The following WSCD2 variants were observed in gnomAD, a reference collection of about 807,000 sequenced individuals.
The protein encoded by WSCD2 is sialate:O-sulfotransferase 2.
A neutral mutation model predicts 55.7 loss-of-function variants in WSCD2; 28 were observed. The ratio of observed to expected loss-of-function variants is 0.50; its 90% CI spans 0.37 to 0.69. The LOEUF is 0.69. Among genes scored for constraint, WSCD2 ranks in the 30% least tolerant of loss-of-function variants. The pLI, the probability that WSCD2 is intolerant of heterozygous loss-of-function variation, is 0.00. For missense variants in WSCD2, 616 were observed against 762.1 expected (o/e 0.81, Z 2.26); for synonymous variants, 301 against 301.9 (o/e 1.00, Z 0.03).
In WSCD2 at chr12:108,248,017, G is replaced by A. The variant is rs1180387138; in HGVS notation, c.1372G>A (p.Ala458Thr). The change falls in exon 9 of 9, where the codon GCC becomes ACC. Residue 458 changes from alanine (A) to threonine (T), a missense_variant. Ala to Thr is a moderately conservative substitution (Grantham distance 58, BLOSUM62 0). Transcript: ENST00000547525. The surrounding 1 kb of genome is among the most constrained non-coding windows in gnomAD (Gnocchi z 4.3). ...KEWPEFVRNY[A>T]PWWATHTLDW... is the part of the protein sequence containing the mutation. ...GTGGCCAGAGTTCGTGAGGAACTAT[G>A]CCCCGTGGTGGGCCACTCACACACT... is the stretch of plus-strand genomic sequence containing the variant. 8 of 1,613,858 alleles carry A rather than the reference G, an allele frequency of 5.0e-6. No individual in the cohort carries two copies. Among genetic ancestry groups the A allele is most frequent in the Non-Finnish European group, 6.8e-6 (8 of 1,179,860 alleles).
At chr12:108,193,021 G>A (rs1045021732) in intron 1 of WSCD2, among the ~76,000 whole-genome samples, 1 of 152,046 alleles carries the variant, frequency 6.6e-6, no homozygotes, top group African/African-American at 2.4e-5. Context: ...TAGGAATATA[G>A]GCTTTGAAAT....
intron 1 of WSCD2, among the ~76,000 whole-genome samples, chr12:108,143,287 C>T (rs1026483536): frequency 1.3e-5 from 2 of 152,208 alleles, no homozygotes; most frequent in South Asian, 4.1e-4. Context: ...CCTCCTGGCA[C>T]CTGTCACAGT....
At chr12:108,187,191 A>C (rs1882612440) in intron 1 of WSCD2, among the ~76,000 whole-genome samples, 1 of 152,186 alleles carries the variant, frequency 6.6e-6, no homozygotes, top group African/African-American at 2.4e-5. Flanking sequence ...GGGAAGGGTA[A>C]TATGCTGCAA....
chr12:108,221,393 A>G (rs561249514), intron 4 of WSCD2, among the ~76,000 whole-genome samples: 24 of 152,242 alleles, frequency 1.6e-4, no homozygotes, highest in African/African-American at 5.5e-4. Context: ...CATCTCTACT[A>G]AAAATACAAA....
chr12:108,176,851 T>G (rs1186636256), intron 1 of WSCD2, among the ~76,000 whole-genome samples: 1 of 152,118 alleles, frequency 6.6e-6, no homozygotes, highest in Non-Finnish European at 1.5e-5. Context: ...ACAATGTGTG[T>G]GTACTGGAAT....
intron 7 of WSCD2, among the ~76,000 whole-genome samples, chr12:108,236,761 C>A (rs1265758414): frequency 6.6e-6 from 1 of 152,096 alleles, no homozygotes; most frequent in Non-Finnish European, 1.5e-5. Flanking sequence ...TCTCCCCCAA[C>A]TCCTGCCTTC....
At chr12:108,227,702 G>T (rs944732281) in intron 6 of WSCD2, among the ~76,000 whole-genome samples, 2 of 151,834 alleles carry the variant, frequency 1.3e-5, no homozygotes, top group African/African-American at 4.8e-5. Flanking sequence ...GTCTCCTGGG[G>T]CTACCAGACA....
At chr12:108,133,126 A>T (rs1487818813) in intron 1 of WSCD2, among the ~76,000 whole-genome samples, 3 of 152,106 alleles carry the variant, frequency 2.0e-5, no homozygotes, top group Non-Finnish European at 4.4e-5. Context: ...CTCTCGACAT[A>T]TACACAGGTG....
chr12:108,218,381 C>G (rs929811663), intron 4 of WSCD2, among the ~76,000 whole-genome samples: 1 of 152,170 alleles, frequency 6.6e-6, no homozygotes, highest in African/African-American at 2.4e-5. Context: ...TCATCCTGAG[C>G]CTGTCAGTCC....
chr12:108,135,186 A>G (rs1267101892), intron 1 of WSCD2, among the ~76,000 whole-genome samples: 2 of 152,158 alleles, frequency 1.3e-5, no homozygotes, highest in Non-Finnish European at 2.9e-5. Context: ...GCATCCATTC[A>G]AGTATTCATT....
At chr12:108,135,181 C>T (rs1467426741) in intron 1 of WSCD2, among the ~76,000 whole-genome samples, 1 of 152,182 alleles carries the variant, frequency 6.6e-6, no homozygotes, top group African/African-American at 2.4e-5. Flanking sequence ...TCCATGCATC[C>T]ATTCAAGTAT....
At chr12:108,131,415 G>T (rs942750292) in intron 1 of WSCD2, among the ~76,000 whole-genome samples, 3 of 152,194 alleles carry the variant, frequency 2.0e-5, no homozygotes, top group Non-Finnish European at 4.4e-5. Context: ...AAGAGACCTA[G>T]GTCTCAGATC....
At chr12:108,178,600 T>C (rs2136991598) in intron 1 of WSCD2, among the ~76,000 whole-genome samples, 1 of 152,348 alleles carries the variant, frequency 6.6e-6, no homozygotes. Context: ...TATCCGCTTA[T>C]TTTTACATGT....
chr12:108,226,840 G>A (rs932582250), intron 5 of WSCD2, 150 bp from the exon 6 acceptor site: 21 of 882,028 alleles, frequency 2.4e-5, no homozygotes, highest in African/African-American at 2.2e-4. Flanking sequence ...CAAAAGCAGG[G>A]TTTGTGGATG....
intron 1 of WSCD2, 31 bp from the exon 2 acceptor site, chr12:108,195,251 T>C (rs1883767802): frequency 1.3e-5 from 2 of 152,862 alleles, no homozygotes; most frequent in Admixed American, 6.5e-5. Flanking sequence ...GTGAAGGGGC[T>C]TCTCATGCCT....
At chr12:108,240,266 G>A (rs1297270004) in intron 7 of WSCD2, 78 bp from the exon 8 acceptor site, 5 of 1,560,072 alleles carry the variant, frequency 3.2e-6, no homozygotes, top group Non-Finnish European at 3.5e-6. Context: ...GATTCCCGAG[G>A]TGGCCCAGAA....
chr12:108,238,647 G>A (rs1172168410), intron 7 of WSCD2, among the ~76,000 whole-genome samples: 1 of 152,202 alleles, frequency 6.6e-6, no homozygotes, highest in African/African-American at 2.4e-5. Flanking sequence ...GAAAGTGCAT[G>A]GACCCATTTT....
At chr12:108,211,414 T>C (rs1379130868) in intron 4 of WSCD2, among the ~76,000 whole-genome samples, 2 of 152,148 alleles carry the variant, frequency 1.3e-5, no homozygotes, top group African/African-American at 2.4e-5. Flanking sequence ...GCTGCATTTC[T>C]AAAGAGCTCC....
intron 1 of WSCD2, among the ~76,000 whole-genome samples, chr12:108,183,144 T>C (rs1205015454): frequency 1.3e-5 from 2 of 152,194 alleles, no homozygotes; most frequent in Non-Finnish European, 2.9e-5. Flanking sequence ...TCACTGATGA[T>C]GAGAAACTCT....
Sources: gnomAD v4.1 joint callset for allele counts (sites outside exome capture counted in the v4.1 genomes callset) on GRCh38, gnomAD v4.1.1 for gene constraint, Gnocchi (gnomAD v3.1) non-coding constraint, MANE v1.5 for transcripts, NCBI Gene and HGNC (gene_info 2026-07-23, HGNC 2026-07-21) for gene names.